SCRG1: variants seen among roughly 807,000 people sequenced by gnomAD.
The protein encoded by SCRG1 is stimulator of chondrogenesis 1, also known as scrapie-responsive protein 1.
In SCRG1, 3 loss-of-function variants were observed where a neutral mutation model predicts 7.7. The ratio of observed to expected loss-of-function variants is 0.39; its 90% CI spans 0.18 to 1.01. The LOEUF (loss-of-function observed/expected upper bound fraction) is 1.01. SCRG1 is among the 50% of genes least tolerant of loss of function. SCRG1 has a pLI of 0.36. For synonymous variants in SCRG1, 46 were observed against 41.2 expected (o/e 1.12, Z -0.44); for missense variants, 110 against 117.2 (o/e 0.94, Z 0.28).
chr4:173,470,564 AC>A, the SCRG1 span, among the ~76,000 whole-genome samples: 1 of 152,234 alleles, frequency 6.6e-6, no homozygotes, highest in Non-Finnish European at 1.5e-5. Flanking sequence ...TTTTAAATGT[AC>A]TTCATAAAGA....
chr4:173,395,677 T>TTATA (rs1560831858), intron 1 of SCRG1, among the ~76,000 whole-genome samples: 1 of 152,222 alleles, frequency 6.6e-6, no homozygotes, highest in Non-Finnish European at 1.5e-5. Context: ...CCCAAAGCAC[T>TTATA]TATATATAAT....
the SCRG1 span, among the ~76,000 whole-genome samples, chr4:173,443,682 T>G: frequency 6.6e-6 from 1 of 152,164 alleles, no homozygotes; most frequent in Non-Finnish European, 1.5e-5. Context: ...TTGCCTTTAT[T>G]GATCACTTTC....
At chr4:173,395,281 A>G (rs1031396436) in intron 1 of SCRG1, among the ~76,000 whole-genome samples, 4 of 152,210 alleles carry the variant, frequency 2.6e-5, no homozygotes, top group Non-Finnish European at 5.9e-5. Context: ...TTTGTTCACT[A>G]CCATACACCA....
the SCRG1 span, among the ~76,000 whole-genome samples, chr4:173,488,879 C>G: frequency 6.6e-6 from 1 of 152,114 alleles, no homozygotes; most frequent in Non-Finnish European, 1.5e-5. Context: ...CTAACTCATG[C>G]CATCTTGAGC....
intron 1 of SCRG1, among the ~76,000 whole-genome samples, chr4:173,394,186 T>C (rs908465180): frequency 6.6e-6 from 1 of 152,174 alleles, no homozygotes; most frequent in Non-Finnish European, 1.5e-5. Context: ...TAATTAGTTC[T>C]TTGGTGCTTT....
chr4:173,465,603 A>G, the SCRG1 span, among the ~76,000 whole-genome samples: 1 of 150,980 alleles, frequency 6.6e-6, no homozygotes, highest in East Asian at 1.9e-4. Context: ...AGGTGAGGGG[A>G]TTTTTTTTAT....
the SCRG1 span, among the ~76,000 whole-genome samples, chr4:173,503,090 GGTCCCTGGGTAC>G: frequency 6.6e-6 from 1 of 152,178 alleles, no homozygotes; most frequent in Non-Finnish European, 1.5e-5. This position sits in a 1 kb window ranked among gnomAD's most constrained non-coding sequence, Gnocchi z 6.4. Context: ...CTACCGACCA[GGTCCCTGGGTAC>G]GTCCCAGGGC....
At chr4:173,408,146 T>G (rs1293464961), upstream of SCRG1, among the ~76,000 whole-genome samples, 1 of 152,204 alleles carries the variant, frequency 6.6e-6, no homozygotes, top group East Asian at 1.9e-4. Context: ...ACATGAAATA[T>G]ATTACATACA....
chr4:173,484,652 TTATATATTATATATAACATGATGTATAA>T, the SCRG1 span, among the ~76,000 whole-genome samples: 2 of 93,580 alleles, frequency 2.1e-5, no homozygotes, highest in Non-Finnish European at 3.6e-5. Context: ...ATAATATATA[TTATATATTATATATAACATGATGTATAA>T]TATATATTAT....
At chr4:173,443,078 A>G in the SCRG1 span, among the ~76,000 whole-genome samples, 65 of 152,342 alleles carry the variant, frequency 4.3e-4, no homozygotes, top group African/African-American at 1.5e-3. Flanking sequence ...AAGTAGACAC[A>G]GATTCCTTTC....
chr4:173,518,846 C>G, the SCRG1 span, among the ~76,000 whole-genome samples: 1 of 151,904 alleles, frequency 6.6e-6, no homozygotes, highest in Non-Finnish European at 1.5e-5. Context: ...GTCCGCCCCC[C>G]CGCCCCCTGC....
At chr4:173,414,419 C>G in the SCRG1 span, among the ~76,000 whole-genome samples, 4 of 152,288 alleles carry the variant, frequency 2.6e-5, no homozygotes, top group South Asian at 6.2e-4. Flanking sequence ...AGCATCTACC[C>G]AAGTAGCAAA....
the SCRG1 span, among the ~76,000 whole-genome samples, chr4:173,418,621 C>G: frequency 1.3e-5 from 2 of 152,278 alleles, no homozygotes; most frequent in Non-Finnish European, 1.5e-5. Context: ...TGAAAATGGA[C>G]ACTACTTCCA....
At chr4:173,506,693 C>G in the SCRG1 span, among the ~76,000 whole-genome samples, 2 of 152,122 alleles carry the variant, frequency 1.3e-5, no homozygotes, top group East Asian at 3.9e-4. This position sits in a 1 kb window ranked among gnomAD's most constrained non-coding sequence, Gnocchi z 5.3. Context: ...CGACGGAGGA[C>G]CACCTCTAAC....
chr4:173,456,462 C>A, the SCRG1 span, among the ~76,000 whole-genome samples: 1 of 152,162 alleles, frequency 6.6e-6, no homozygotes, highest in African/African-American at 2.4e-5. Context: ...AGGAAGTTGT[C>A]TTTTCCATTT....
chr4:173,416,566 T>G, the SCRG1 span, among the ~76,000 whole-genome samples: 1 of 152,224 alleles, frequency 6.6e-6, no homozygotes, highest in Non-Finnish European at 1.5e-5. Context: ...TGCAGGGAGC[T>G]ATGATTGCAT....
chr4:173,498,833 T>C, the SCRG1 span, among the ~76,000 whole-genome samples: 45 of 152,326 alleles, frequency 3.0e-4, no homozygotes, highest in African/African-American at 1.0e-3. Context: ...CTGGTCAAGA[T>C]AGCAGTGAGT....
At chr4:173,487,724 T>A in the SCRG1 span, among the ~76,000 whole-genome samples, 9 of 152,300 alleles carry the variant, frequency 5.9e-5, no homozygotes, top group African/African-American at 9.6e-5. Context: ...GGGCTTTTTT[T>A]AAATTTTAAA....
chr4:173,393,853 T>G (rs1739517801), intron 1 of SCRG1, among the ~76,000 whole-genome samples: 1 of 152,134 alleles, frequency 6.6e-6, no homozygotes, highest in African/African-American at 2.4e-5. Flanking sequence ...GGTTGACCCT[T>G]TCATCATTAT....
Sources: allele counts gnomAD v4.1 joint callset (sites outside exome capture counted in the v4.1 genomes callset), GRCh38; gene constraint gnomAD v4.1.1; non-coding constraint Gnocchi (gnomAD v3.1); transcripts MANE v1.5; gene names NCBI Gene and HGNC (gene_info 2026-07-23, HGNC 2026-07-21).